The following CFAP20DC variants were observed in gnomAD, a reference collection of about 807,000 sequenced individuals.
CFAP20DC encodes the protein CFAP20 domain containing, also known as protein CFAP20DC.
In CFAP20DC, 84 loss-of-function variants were observed where a neutral mutation model predicts 101.7. That is an observed-to-expected ratio of 0.83 (90% CI 0.69 to 0.99). The LOEUF (loss-of-function observed/expected upper bound fraction) is 0.99, where lower values mean the gene tolerates loss of function less well. CFAP20DC is among the 50% of genes least tolerant of loss of function. The pLI, the probability that CFAP20DC is intolerant of heterozygous loss-of-function variation, is 0.00. For missense variants in CFAP20DC, 1,007 were observed against 970.3 expected (o/e 1.04, Z -0.50); for synonymous variants, 359 against 351.2 (o/e 1.02, Z -0.25).
At chr3:58,838,164 C>T (rs2076865688) in intron 13 of CFAP20DC, among the ~76,000 whole-genome samples, 1 of 152,102 alleles carries the variant, frequency 6.6e-6, no homozygotes. Context: ...CGTGTCTCTA[C>T]CATGCAAAGG....
intron 12 of CFAP20DC, among the ~76,000 whole-genome samples, chr3:58,849,672 A>G (rs2078050526): frequency 6.6e-6 from 1 of 152,196 alleles, no homozygotes; most frequent in Non-Finnish European, 1.5e-5. Flanking sequence ...ACAAGAGAAC[A>G]TTTAAGAAGT....
At chr3:58,733,952 C>T (rs774364579) in intron 3 of CFAP20DC, among the ~76,000 whole-genome samples, 2 of 152,078 alleles carry the variant, frequency 1.3e-5, no homozygotes, top group African/African-American at 4.8e-5. Context: ...GCATGTGATA[C>T]GGTTTTGCTG....
At chr3:59,038,296 G>A (rs577451817) in intron 4 of CFAP20DC, among the ~76,000 whole-genome samples, 2 of 151,890 alleles carry the variant, frequency 1.3e-5, no homozygotes, top group Non-Finnish European at 2.9e-5. Context: ...TAAGAATCCT[G>A]TCCCAAGCAA....
chr3:58,988,466 T>G (rs2092824711), intron 4 of CFAP20DC, among the ~76,000 whole-genome samples: 1 of 152,182 alleles, frequency 6.6e-6, no homozygotes, highest in South Asian at 2.1e-4. Context: ...ACTCAGGGAC[T>G]TAGGCTGGTA....
chr3:58,889,163 T>G (rs909490557), intron 6 of CFAP20DC, among the ~76,000 whole-genome samples: 1 of 152,228 alleles, frequency 6.6e-6, no homozygotes, highest in African/African-American at 2.4e-5. Context: ...ACTTAGAGAA[T>G]GTCTCAATTC....
intron 4 of CFAP20DC, among the ~76,000 whole-genome samples, chr3:58,972,538 T>C (rs2092011144): frequency 1.3e-5 from 2 of 152,198 alleles, no homozygotes; most frequent in African/African-American, 4.8e-5. Context: ...TTTTTATATA[T>C]TCTTTTATCT....
intron 10 of CFAP20DC, 40 bp downstream of exon 10, chr3:58,867,777 T>C (rs2079817760): frequency 1.2e-6 from 2 of 1,611,372 alleles, no homozygotes. Flanking sequence ...TTGCCCTGAA[T>C]AATATACAGA....
chr3:58,777,049 C>T (rs567107889), intron 15 of CFAP20DC, among the ~76,000 whole-genome samples: 2 of 147,836 alleles, frequency 1.4e-5, no homozygotes, highest in African/African-American at 5.2e-5. Context: ...AGAAAGAGAG[C>T]TATTAAGATT....
rs959761386 is a variant in CFAP20DC, at chr3:59,014,166, C to T, written c.278+25391G>A. On this transcript the variant is annotated intron_variant, in intron 4 of 16. Coordinates refer to ENST00000482387, the MANE Select transcript of CFAP20DC (RefSeq NM_001394063.1). This position sits in a 1 kb window ranked among gnomAD's most constrained non-coding sequence, Gnocchi z 4.9. Reference sequence around the variant, plus strand: ...GTTAGAAGGTTTAGCTCAGCTGCTGCCTAGAGTGATGGATGGCCTTGAAGA... The same window carrying T: ...GTTAGAAGGTTTAGCTCAGCTGCTGTCTAGAGTGATGGATGGCCTTGAAGA... Among the ~76,000 whole-genome samples the T allele has an allele frequency of 7.2e-5, 11 of 152,108 alleles. No homozygotes were observed. Among genetic ancestry groups the T allele is most frequent in the Non-Finnish European group, 4.4e-5 (3 of 68,014 alleles).
At chr3:58,909,160 GATA>G (rs1422170560) in intron 6 of CFAP20DC, among the ~76,000 whole-genome samples, 1 of 152,116 alleles carries the variant, frequency 6.6e-6, no homozygotes, top group Non-Finnish European at 1.5e-5. Flanking sequence ...GACTTTGGAT[GATA>G]ATGATGTCTC....
chr3:58,797,525 A>G (rs182044819), intron 15 of CFAP20DC, among the ~76,000 whole-genome samples: 1 of 152,338 alleles, frequency 6.6e-6, no homozygotes, highest in Admixed American at 6.5e-5. Flanking sequence ...GAAAGAAGCC[A>G]TCTCGGTAAC....
intron 4 of CFAP20DC, among the ~76,000 whole-genome samples, chr3:59,016,100 A>C (rs2093683282): frequency 6.6e-6 from 1 of 152,100 alleles, no homozygotes; most frequent in African/African-American, 2.4e-5. Context: ...GATTGCTGAG[A>C]GATAGCTAAG....
chr3:58,738,525 C>T (rs1006094878), downstream of CFAP20DC, among the ~76,000 whole-genome samples: 8 of 152,200 alleles, frequency 5.3e-5, no homozygotes, highest in African/African-American at 1.9e-4. This position sits in a 1 kb window ranked among gnomAD's most constrained non-coding sequence, Gnocchi z 4.4. Context: ...GATCTCCTTC[C>T]TTTTTATGGC....
In CFAP20DC at chr3:58,831,851, A is replaced by T. The variant is rs1269916919; in HGVS notation, c.2010T>A (p.Ser670Arg). 6.2e-7 allele frequency: 1 copy of T among 1,614,018 alleles called. No individual in the cohort carries two copies. ...TTGCTAGCATCTGTAACTCGGATTC[A>T]CTCATCTGGCTTGGCTGATAGTTTC... ...DWRNYQPSQM[S>R]ESELQMLASL... The change falls in exon 14 of 17, where the codon AGT (serine) becomes AGA (arginine). Residue 670 changes from serine to arginine, a missense_variant. Physicochemically the swap from Ser to Arg is moderately radical, Grantham distance 110 (BLOSUM62 -1). Transcript: ENST00000482387.
At chr3:58,953,681 C>T (rs2090358190) in intron 4 of CFAP20DC, 1 of 152,134 alleles carries the variant, frequency 6.6e-6, no homozygotes, top group African/African-American at 2.4e-5. Flanking sequence ...AATATAAATG[C>T]ATATGTGTGA....
chr3:58,807,943 C>G (rs1423184936), intron 14 of CFAP20DC, among the ~76,000 whole-genome samples: 1 of 151,728 alleles, frequency 6.6e-6, no homozygotes, highest in Non-Finnish European at 1.5e-5. Context: ...CCCATGTGAT[C>G]AACTGGAAGA....
intron 14 of CFAP20DC, among the ~76,000 whole-genome samples, chr3:58,828,400 G>T (rs1205538154): frequency 6.6e-6 from 1 of 152,158 alleles, no homozygotes; most frequent in African/African-American, 2.4e-5. Context: ...ACAGTGCTTT[G>T]ACTGGAGGCA....
At chr3:58,854,277 A>G (rs1374920283) in intron 12 of CFAP20DC, among the ~76,000 whole-genome samples, 2 of 151,788 alleles carry the variant, frequency 1.3e-5, no homozygotes, top group African/African-American at 4.8e-5. Context: ...CCAACTTACA[A>G]GGGATGTGAA....
At chr3:58,902,909 C>T (rs1010877489) in intron 6 of CFAP20DC, among the ~76,000 whole-genome samples, 12 of 151,616 alleles carry the variant, frequency 7.9e-5, no homozygotes, top group Non-Finnish European at 1.3e-4. Flanking sequence ...TAATTTTTTT[C>T]CCCTGAATAT....
Sources: gnomAD v4.1 joint callset for allele counts (sites outside exome capture counted in the v4.1 genomes callset) on GRCh38, gnomAD v4.1.1 for gene constraint, Gnocchi (gnomAD v3.1) non-coding constraint, MANE v1.5 for transcripts, NCBI Gene and HGNC (gene_info 2026-07-23, HGNC 2026-07-21) for gene names.